Variants in FOXK2 observed in about 807,000 individuals in gnomAD.
FOXK2 encodes forkhead box K2, also known as forkhead box protein K2.
A neutral mutation model predicts 53.3 loss-of-function variants in FOXK2; 24 were observed. The ratio of observed to expected loss-of-function variants is 0.45; its 90% CI spans 0.33 to 0.63. FOXK2 has a LOEUF of 0.63. Ranked by LOEUF, FOXK2 falls within the 30% of genes least tolerant of loss-of-function variation. The probability of loss-of-function intolerance (pLI) is 0.03; values close to 1 mark genes in which losing one functional copy is unlikely to be tolerated. For synonymous variants in FOXK2, 505 were observed against 407.1 expected (o/e 1.24, Z -2.89); for missense variants, 952 against 910.5 (o/e 1.05, Z -0.59).
At chr17:82,524,045 C>G (rs932439894) in intron 1 of FOXK2, among the ~76,000 whole-genome samples, 1 of 152,090 alleles carries the variant, frequency 6.6e-6, no homozygotes, top group African/African-American at 2.4e-5. Flanking sequence ...AGGAGCCCAC[C>G]ACCAGGCCTG....
Position 82,590,757 on chromosome 17 carries a change from C to T in FOXK2, c.1786+3485C>T, listed in dbSNP as rs542629785. ...TACTAAATTGTAGTGTAGTGTATTACCCCAAGGAAAATGTAGTATTTTTAC... is the reference window on the plus strand; with the variant it reads ...TACTAAATTGTAGTGTAGTGTATTATCCCAAGGAAAATGTAGTATTTTTAC... On this transcript the variant is annotated intron_variant, in intron 8 of 8. Transcript: ENST00000335255. Among the ~76,000 whole-genome samples, 16 of 152,248 alleles carry T rather than the reference C, an allele frequency of 1.1e-4. No homozygotes were observed. In the South Asian group the frequency reaches 2.7e-3, roughly 26 times the overall value.
intron 8 of FOXK2, 107 bp downstream of exon 8, chr17:82,587,379 A>G: frequency 1.1e-6 from 1 of 873,170 alleles, no homozygotes. Flanking sequence ...CTTTTGTCTG[A>G]GGCAATGTTT....
intron 8 of FOXK2, among the ~76,000 whole-genome samples, chr17:82,597,414 GCTCCCT>G (rs1020497996): frequency 2.0e-5 from 3 of 152,144 alleles, no homozygotes; most frequent in African/African-American, 7.2e-5. Context: ...GCTGATGGCT[GCTCCCT>G]CCCCAGCTCC....
chr17:82,591,490 C>T (rs1472073368), intron 8 of FOXK2, among the ~76,000 whole-genome samples: 1 of 152,162 alleles, frequency 6.6e-6, no homozygotes, highest in African/African-American at 2.4e-5. Context: ...AGATGGAAGC[C>T]GGGAGGCTTC....
chr17:82,520,336 G>T (rs2044348055), intron 1 of FOXK2, 29 bp downstream of exon 1: 2 of 976,746 alleles, frequency 2.0e-6, no homozygotes, highest in Non-Finnish European at 1.3e-6. Flanking sequence ...GGGCGGGCGG[G>T]GTCTGCGGCC....
At chr17:82,561,363 G>A (rs2044791404) in intron 1 of FOXK2, among the ~76,000 whole-genome samples, 1 of 152,068 alleles carries the variant, frequency 6.6e-6, no homozygotes, top group Non-Finnish European at 1.5e-5. Flanking sequence ...GGAGCCATTT[G>A]GGTATATGTG....
intron 1 of FOXK2, among the ~76,000 whole-genome samples, chr17:82,560,566 A>ATT (rs2044783106): frequency 6.6e-6 from 1 of 151,274 alleles, no homozygotes. Context: ...GATTCTTTTT[A>ATT]TTTTTCCTTT....
At chr17:82,581,911 G>A (rs1266122666) in intron 4 of FOXK2, among the ~76,000 whole-genome samples, 3 of 152,122 alleles carry the variant, frequency 2.0e-5, no homozygotes, top group African/African-American at 2.4e-5. Flanking sequence ...GGAGCTGGGA[G>A]GGAAATTTTT....
At chr17:82,545,279 T>C (rs1203437735) in intron 1 of FOXK2, among the ~76,000 whole-genome samples, 1 of 152,190 alleles carries the variant, frequency 6.6e-6, no homozygotes, top group Non-Finnish European at 1.5e-5. Flanking sequence ...TCGGAATTCC[T>C]ATCCCGAATT....
At chr17:82,549,734 A>G (rs560665331) in intron 1 of FOXK2, among the ~76,000 whole-genome samples, 1 of 152,232 alleles carries the variant, frequency 6.6e-6, no homozygotes, top group African/African-American at 2.4e-5. Flanking sequence ...AACACCTAAC[A>G]CTAGCCTCCT....
intron 1 of FOXK2, among the ~76,000 whole-genome samples, chr17:82,536,549 G>C (rs2044522630): frequency 6.6e-6 from 1 of 152,122 alleles, no homozygotes; most frequent in South Asian, 2.1e-4. Context: ...GTGTTTAGTT[G>C]GTGTTTTGAC....
At position 82,582,751 on chromosome 17, in the gene FOXK2, G is replaced by T; in HGVS notation, c.920G>T (p.Arg307Leu). The change falls in exon 5 of 9, where the codon CGC (arginine) becomes CTC (leucine). Residue 307 changes from arginine (R) to leucine (L), a missense_variant. Coordinates refer to ENST00000335255, the MANE Select transcript of FOXK2 (RefSeq NM_004514.4). ...TTTTATGTTTCATAGAATTCAATTC[G>T]CCACAATCTCTCTCTGAATCGTTAT... ...TADKGWQNSIRHNLSLNRYFI... is the reference protein window; with the variant it reads ...TADKGWQNSILHNLSLNRYFI... The T allele has an allele frequency of 6.3e-7, 1 of 1,579,828 alleles. No homozygotes were observed. Among genetic ancestry groups the T allele is most frequent in the South Asian group, 1.2e-5 (1 of 85,376 alleles).
chr17:82,596,061 C>T, intron 8 of FOXK2: 2 of 1,107,698 alleles, frequency 1.8e-6, no homozygotes, highest in South Asian at 2.1e-5. Context: ...GTGGCCCCGG[C>T]TGTCTGCACA....
At chr17:82,567,375 G>C (rs1386399150) in intron 2 of FOXK2, among the ~76,000 whole-genome samples, 1 of 152,184 alleles carries the variant, frequency 6.6e-6, no homozygotes, top group Non-Finnish European at 1.5e-5. Flanking sequence ...CCTTTAATCG[G>C]CACAGAGATC....
intron 1 of FOXK2, among the ~76,000 whole-genome samples, chr17:82,530,698 C>T (rs972063360): frequency 6.6e-5 from 10 of 151,932 alleles, no homozygotes; most frequent in South Asian, 6.2e-4. Context: ...TTAGTAGAGA[C>T]GGGGTTTCAC....
At chr17:82,573,457 C>T (rs1464831215) in intron 4 of FOXK2, among the ~76,000 whole-genome samples, 1 of 151,886 alleles carries the variant, frequency 6.6e-6, no homozygotes, top group Non-Finnish European at 1.5e-5. Context: ...GGTCTCTTAA[C>T]ATATTGCATG....
At chr17:82,562,943 C>T (rs1249683127) in intron 1 of FOXK2, among the ~76,000 whole-genome samples, 1 of 151,820 alleles carries the variant, frequency 6.6e-6, no homozygotes, top group Non-Finnish European at 1.5e-5. Flanking sequence ...GTATCTGGGA[C>T]CACAGGCATG....
intron 1 of FOXK2, among the ~76,000 whole-genome samples, chr17:82,554,676 G>A (rs1261966067): frequency 6.6e-6 from 1 of 151,758 alleles, no homozygotes; most frequent in Non-Finnish European, 1.5e-5. Context: ...GACGTCTCAG[G>A]CTTGTAAACA....
intron 3 of FOXK2, among the ~76,000 whole-genome samples, chr17:82,571,458 G>A (rs765661362): frequency 1.6e-4 from 24 of 152,006 alleles, no homozygotes; most frequent in Non-Finnish European, 2.8e-4. Context: ...AAAATTAGCC[G>A]GGCGCGGTGG....
Sources: allele counts gnomAD v4.1 joint callset (sites outside exome capture counted in the v4.1 genomes callset), GRCh38; gene constraint gnomAD v4.1.1; transcripts MANE v1.5; gene names NCBI Gene and HGNC (gene_info 2026-07-23, HGNC 2026-07-21).